Variants in TSBP1 observed in about 807,000 individuals in gnomAD.
The protein encoded by TSBP1 is testis-expressed basic protein 1.
In TSBP1, 56 loss-of-function variants were observed where a neutral mutation model predicts 68.8. The observed-to-expected ratio is 0.81, with a 90% confidence interval of 0.66 to 1.02. TSBP1 has a LOEUF of 1.02. TSBP1 is among the 50% of genes least tolerant of loss of function. The pLI is 0.00. For synonymous variants in TSBP1, 171 were observed against 208.7 expected (o/e 0.82, Z 1.56); for missense variants, 502 against 641.2 (o/e 0.78, Z 2.34).
In TSBP1 at chr6:32,349,883, TC is replaced by T. The variant is rs1166086431; in HGVS notation, c.260-55del. On this transcript the variant is annotated intron_variant, in intron 8 of 22. Coordinates refer to ENST00000612031, the Ensembl canonical transcript of TSBP1. ...GGATAGAAATGAGTCACAACTTATT[TC>T]CTGGTATCAATTGCAATGCAATGTG... 6.6e-6 allele frequency: 7 copies of T among 1,058,874 alleles called. No homozygotes were observed. In the African/African-American group the frequency reaches 1.1e-4, roughly 17 times the overall value. 65.6% of individuals were successfully genotyped at this position (1,058,874 alleles called of 1,614,324 possible).
At chr6:32,312,033 C>A (rs1457624815) in intron 19 of TSBP1, among the ~76,000 whole-genome samples, 2 of 152,114 alleles carry the variant, frequency 1.3e-5, no homozygotes, top group Non-Finnish European at 2.9e-5. Flanking sequence ...GGCATCTCTG[C>A]AGTACGAGCA....
intron 18 of TSBP1, among the ~76,000 whole-genome samples, chr6:32,319,244 A>G (rs1306808469): frequency 6.6e-6 from 1 of 152,188 alleles, no homozygotes; most frequent in African/African-American, 2.4e-5. Flanking sequence ...TCAGTCGAAC[A>G]GCAGGCCCTG....
chr6:32,368,299 T>C (rs1487194211), intron 3 of TSBP1, among the ~76,000 whole-genome samples: 1 of 152,226 alleles, frequency 6.6e-6, no homozygotes, highest in Non-Finnish European at 1.5e-5. Flanking sequence ...TCTCCAGACC[T>C]TTCCATGGAA....
chr6:32,315,845 A>G lies in TSBP1; in HGVS notation c.560-53T>C. The G allele has an allele frequency of 3.4e-6, 4 of 1,192,290 alleles. No individual in the cohort carries two copies. The highest frequency in any genetic ancestry group is 4.7e-6 in the Non-Finnish European group (4 of 843,740). 73.9% of individuals were successfully genotyped at this position (1,192,290 alleles called of 1,614,324 possible). On this transcript the variant is annotated intron_variant, in intron 18 of 22. Coordinates refer to ENST00000612031, the Ensembl canonical transcript of TSBP1. This position sits in a 1 kb window ranked among gnomAD's most constrained non-coding sequence, Gnocchi z 5.4. ...TTAATTTTTCTCAAATGGAGAAAAC[A>G]TAGCATTATCTAACATATTTTGTTG... is the stretch of plus-strand genomic sequence containing the variant.
At position 32,336,017 on chromosome 6, in the gene TSBP1, C is replaced by T; in HGVS notation, c.431-85G>A. On this transcript the variant is annotated intron_variant, in intron 12 of 22. Coordinates refer to ENST00000612031, the Ensembl canonical transcript of TSBP1. The surrounding 1 kb of genome is among the most constrained non-coding windows in gnomAD (Gnocchi z 5.2). ...AAATTTCCATTTCCCAACACTCGCT[C>T]TAGGGAGTATCATAAATAGAAACAA... 9.0e-7 allele frequency: 1 copy of T among 1,106,496 alleles called. No individual in the cohort carries two copies. Among genetic ancestry groups the T allele is most frequent in the Non-Finnish European group, 1.4e-6 (1 of 734,468 alleles). 68.5% of individuals were successfully genotyped at this position (1,106,496 alleles called of 1,614,324 possible). A position where few individuals can be genotyped will look rare whatever the true frequency, so the allele number is the denominator to read the frequency against.
chr6:32,323,906 C>T (rs944985670), intron 16 of TSBP1: 4 of 419,502 alleles, frequency 9.5e-6, no homozygotes, highest in African/African-American at 8.0e-5. Context: ...GTGGTGAAAA[C>T]ATGGACATAC....
At position 32,333,968 on chromosome 6, in the gene TSBP1, T is replaced by C; in HGVS notation, c.472+1469A>G. 1 of 282,706 alleles carries C rather than the reference T, an allele frequency of 3.5e-6. No individual in the cohort carries two copies. The allele number at this position is 282,706 out of a possible 1,614,324, so 17.5% of individuals were successfully genotyped here. On this transcript the variant is annotated intron_variant, in intron 14 of 22. Transcript: ENST00000612031. This position sits in a 1 kb window ranked among gnomAD's most constrained non-coding sequence, Gnocchi z 4.2. ...CCAGTTACACATTTAGATATTATGCTAACTTAATAGTTGCTTTGCCTGTAT... is the reference window on the plus strand; with the variant it reads ...CCAGTTACACATTTAGATATTATGCCAACTTAATAGTTGCTTTGCCTGTAT...
At chr6:32,310,761 A>ATATAT in intron 19 of TSBP1, among the ~76,000 whole-genome samples, 12,266 of 144,760 alleles carry the variant, frequency 0.085, 722 homozygotes, top group Non-Finnish European at 0.13. Context: ...ATATATATAT[A>ATATAT]TTTTTAATCT....
chr6:32,320,186 G>A, intron 18 of TSBP1: 1 of 456,528 alleles, frequency 2.2e-6, no homozygotes, highest in South Asian at 1.6e-5. Flanking sequence ...TCTCTTCTTG[G>A]TGGCTATTGT....
At position 32,300,711 on chromosome 6, in the gene TSBP1, T is replaced by A. The variant is rs11962040; in HGVS notation, c.602-11A>T. On this transcript the variant is annotated splice_polypyrimidine_tract_variant and intron_variant, in intron 20 of 22. Transcript: ENST00000612031. ...TTCCAGAACTGTCCACTGAAAGAGA[T>A]AAAGGCAAACACATCAGTAGGTACT... The A allele has an allele frequency of 1.9e-6, 3 of 1,611,934 alleles. No individual in the cohort carries two copies. Among genetic ancestry groups the A allele is most frequent in the Middle Eastern group, 1.6e-4 (1 of 6,062 alleles).
chr6:32,325,086 CT>C lies in TSBP1; in HGVS notation c.515-1473del, dbSNP rs543886582. On this transcript the variant is annotated intron_variant, in intron 16 of 22. Transcript: ENST00000612031. This position sits in a 1 kb window ranked among gnomAD's most constrained non-coding sequence, Gnocchi z 4.4. Reference sequence around the variant, plus strand: ...AACATTCTTTAGAGTCATGTAAAAACTTTTTTCTCAGGTCTTTATTTTTTAT... The same window carrying C: ...AACATTCTTTAGAGTCATGTAAAAACTTTTTCTCAGGTCTTTATTTTTTAT... The C allele has an allele frequency of 5.9e-4, 272 of 460,226 alleles. 3 individuals are homozygous for C. The East Asian group carries it at 8.2e-3, about 14-fold the overall frequency. 28.5% of individuals were successfully genotyped at this position (460,226 alleles called of 1,614,324 possible). A position where few individuals can be genotyped will look rare whatever the true frequency, so the allele number is the denominator to read the frequency against.
chr6:32,319,395 A>C lies in TSBP1; in HGVS notation c.560-3603T>G, dbSNP rs866519398. 3.1e-4 allele frequency among the ~76,000 whole-genome samples: 47 copies of C among 152,194 alleles called. 1 individual carries two copies. The highest frequency in any genetic ancestry group is 1.1e-3 in the African/African-American group (46 of 41,516). On this transcript the variant is annotated intron_variant, in intron 18 of 22. Transcript: ENST00000612031. Reference sequence around the variant, plus strand: ...CTTGCCCTCTTGAGCCCTCACTCTCACCCCAGTTAATCCTCCACAATAATA... The same window carrying C: ...CTTGCCCTCTTGAGCCCTCACTCTCCCCCCAGTTAATCCTCCACAATAATA...
In TSBP1 at chr6:32,292,949, A is replaced by G; in HGVS notation, c.*32T>C. 7.7e-7 allele frequency: 1 copy of G among 1,303,042 alleles called. No individual in the cohort carries two copies. Among genetic ancestry groups the G allele is most frequent in the South Asian group, 1.3e-5 (1 of 78,068 alleles). 80.7% of individuals were successfully genotyped at this position (1,303,042 alleles called of 1,614,324 possible). Reference sequence around the variant, plus strand: ...CTGGAGTATGGGAATCATAATAATCACTTGTCTTATGGGCCTTTAAAAAAT... The same window carrying G: ...CTGGAGTATGGGAATCATAATAATCGCTTGTCTTATGGGCCTTTAAAAAAT... On this transcript the variant is annotated 3_prime_UTR_variant, in exon 23 of 23. Coordinates refer to ENST00000612031, the Ensembl canonical transcript of TSBP1. The surrounding 1 kb of genome is among the most constrained non-coding windows in gnomAD (Gnocchi z 4.1).
At chr6:32,309,978 A>G (rs1766216663) in intron 19 of TSBP1, among the ~76,000 whole-genome samples, 1 of 152,162 alleles carries the variant, frequency 6.6e-6, no homozygotes, top group Admixed American at 6.5e-5. Context: ...TTTAGTTCCC[A>G]CAAATGAGTA....
intron 18 of TSBP1, among the ~76,000 whole-genome samples, chr6:32,318,578 G>A (rs1276568793): frequency 6.6e-6 from 1 of 152,128 alleles, no homozygotes; most frequent in Non-Finnish European, 1.5e-5. Context: ...AAGAACTGAA[G>A]TACTGCTGCA....
intron 21 of TSBP1, 39 bp downstream of exon 24, chr6:32,300,641 C>T: frequency 6.2e-7 from 1 of 1,603,176 alleles, no homozygotes; most frequent in Non-Finnish European, 8.5e-7. Flanking sequence ...AGGTCCTAGG[C>T]ACAGAAATAG....
chr6:32,320,228 A>G (rs1767467482), intron 18 of TSBP1: 1 of 456,560 alleles, frequency 2.2e-6, no homozygotes, highest in African/African-American at 2.0e-5. Flanking sequence ...CCACTTAACC[A>G]GATCTCAGCT....
Position 32,335,642 on chromosome 6 carries a change from T to C in TSBP1, c.452-185A>G, listed in dbSNP as rs1279525582. On this transcript the variant is annotated intron_variant, in intron 13 of 22. Coordinates refer to ENST00000612031, the Ensembl canonical transcript of TSBP1. The surrounding 1 kb of genome is among the most constrained non-coding windows in gnomAD (Gnocchi z 5.5). ...TGGCAAACTAGTACATATAAGGGCC[T>C]CCTCATCTAAAAATCCCTTGTGTGA... is the stretch of plus-strand genomic sequence containing the variant. Among the ~76,000 whole-genome samples, 2 of 152,202 alleles carry C rather than the reference T, an allele frequency of 1.3e-5. No individual in the cohort carries two copies. Among genetic ancestry groups the C allele is most frequent in the Non-Finnish European group, 2.9e-5 (2 of 68,040 alleles).
exon 22 of TSBP1, chr6:32,299,932 C>A: frequency 6.2e-7 from 1 of 1,609,500 alleles, no homozygotes; most frequent in Non-Finnish European, 8.5e-7. Context: ...CCACAGGAGT[C>A]AGTGCTAAAA....
Sources: allele counts gnomAD v4.1 joint callset (sites outside exome capture counted in the v4.1 genomes callset), GRCh38; gene constraint gnomAD v4.1.1; non-coding constraint Gnocchi (gnomAD v3.1); transcripts MANE v1.5; gene names NCBI Gene and HGNC (gene_info 2026-07-23, HGNC 2026-07-21).